Variants in TUBB8B observed in about 807,000 individuals in gnomAD.
TUBB8B encodes the protein tubulin beta 8B, also known as HSA18p11 beta-tubulin 4Q pseudogene.
Under a neutral mutation model 31.9 loss-of-function variants are expected in TUBB8B, and 26 were observed. The ratio of observed to expected loss-of-function variants is 0.81; its 90% CI spans 0.60 to 1.13. The LOEUF (loss-of-function observed/expected upper bound fraction) is 1.13. Among genes scored for constraint, TUBB8B ranks in the 50% most tolerant of loss-of-function variants. The pLI is 0.00. For synonymous variants in TUBB8B, 173 were observed against 231.0 expected, an observed-to-expected ratio of 0.75 and a Z score of 2.28; for missense variants, 467 against 586.7, an observed-to-expected ratio of 0.80 and a Z score of 2.11.
upstream of TUBB8B, among the ~76,000 whole-genome samples, chr18:54,125 A>C (rs1349617774): frequency 6.6e-6 from 1 of 151,768 alleles, no homozygotes; most frequent in Non-Finnish European, 1.5e-5. Flanking sequence ...GCCCCTATTG[A>C]CTAAATGGAC....
In TUBB8B at chr18:48,081, A is replaced by G. The variant is rs1177430464; in HGVS notation, c.644T>C (p.Leu215Pro). The change falls in exon 4 of 4, where the codon CTA becomes CCA. Residue 215 changes from leucine to proline, a missense_variant. Transcript: ENST00000308911. ...EALYDICSRT[L>P]KLPTPTYGDL... is the part of the protein sequence containing the mutation. ...ACCATAGGTGGGTGTGGGCAGTTTT[A>G]GGGTCCTGGAACATATGTCATATAG... is the stretch of plus-strand genomic sequence containing the variant. 6.2e-7 allele frequency: 1 copy of G among 1,613,942 alleles called. No individual in the cohort carries two copies. The highest frequency in any genetic ancestry group is 8.5e-7 in the Non-Finnish European group (1 of 1,179,946).
At chr18:59,594 AGT>A in the TUBB8B span, among the ~76,000 whole-genome samples, 38 of 139,232 alleles carry the variant, frequency 2.7e-4, no homozygotes, top group Non-Finnish European at 3.6e-4. Context: ...CCCAGGCTGG[AGT>A]GCAATGGCAT....
the TUBB8B span, among the ~76,000 whole-genome samples, chr18:62,604 G>A: frequency 3.3e-5 from 5 of 151,454 alleles, no homozygotes; most frequent in East Asian, 9.7e-4. Flanking sequence ...TGTATTTTTA[G>A]TAGAAATGGT....
chr18:72,135 G>A, the TUBB8B span, among the ~76,000 whole-genome samples: 6 of 133,148 alleles, frequency 4.5e-5, no homozygotes, highest in East Asian at 2.5e-4. Flanking sequence ...CTGAGATCAC[G>A]CCACTGCACT....
the TUBB8B span, among the ~76,000 whole-genome samples, chr18:65,127 C>G: frequency 1.3e-5 from 2 of 151,880 alleles, no homozygotes; most frequent in Non-Finnish European, 2.9e-5. Flanking sequence ...ATGGTGAAAC[C>G]CTGTCTCTAC....
At chr18:50,074 T>C, upstream of TUBB8B, 1 of 364,256 alleles carries the variant, frequency 2.7e-6, no homozygotes, top group South Asian at 2.1e-5. Flanking sequence ...CAGTAAGCTA[T>C]GGGTGTTGGA....
the TUBB8B span, among the ~76,000 whole-genome samples, chr18:73,085 C>T: frequency 1.3e-5 from 2 of 152,158 alleles, no homozygotes; most frequent in African/African-American, 2.4e-5. Context: ...TCTCCGCGTT[C>T]CTCCCCCTCT....
chr18:58,402 A>G, the TUBB8B span, among the ~76,000 whole-genome samples: 24 of 151,768 alleles, frequency 1.6e-4, no homozygotes, highest in Middle Eastern at 0.014. Context: ...GTGCTTAGAT[A>G]TTTTTTCAAC....
chr18:63,409 C>T, the TUBB8B span, among the ~76,000 whole-genome samples: 1 of 151,864 alleles, frequency 6.6e-6, no homozygotes, highest in East Asian at 1.9e-4. Flanking sequence ...AGTAGAGATT[C>T]TAGTTCTCTT....
the TUBB8B span, among the ~76,000 whole-genome samples, chr18:63,835 C>G: frequency 6.8e-6 from 1 of 146,940 alleles, no homozygotes; most frequent in Non-Finnish European, 1.5e-5. Context: ...CTAACCCCAA[C>G]CCTTAACTCT....
rs758296026 is a variant in TUBB8B, at chr18:48,930, C to G, written c.277+10G>C. 3.2e-6 allele frequency: 5 copies of G among 1,548,828 alleles called. No individual in the cohort carries two copies. The highest frequency in any genetic ancestry group is 4.5e-6 in the Non-Finnish European group (5 of 1,121,588). Reference sequence around the variant, plus strand: ...AAGGAGCCGCACCCCAGTCCTCGCCCGCAGCTCACCGGAAATGAAGTTGTC... The same window carrying G: ...AAGGAGCCGCACCCCAGTCCTCGCCGGCAGCTCACCGGAAATGAAGTTGTC... On this transcript the variant is annotated intron_variant, in intron 3 of 3. Transcript: ENST00000308911.
the TUBB8B span, among the ~76,000 whole-genome samples, chr18:59,994 T>C: frequency 6.6e-6 from 1 of 151,930 alleles, no homozygotes; most frequent in African/African-American, 2.4e-5. Context: ...AATTTTTGCA[T>C]CAATATTCTC....
chr18:58,215 G>A, the TUBB8B span, among the ~76,000 whole-genome samples: 4 of 150,882 alleles, frequency 2.7e-5, no homozygotes, highest in African/African-American at 4.9e-5. Context: ...CAGGCTGCTC[G>A]AGTTCCTCTC....
At chr18:68,129 TC>T in the TUBB8B span, among the ~76,000 whole-genome samples, 1 of 152,182 alleles carries the variant, frequency 6.6e-6, no homozygotes, top group African/African-American at 2.4e-5. Flanking sequence ...AAGTTTGATG[TC>T]GTCTCTGCTT....
chr18:72,177 C>CAAAAAAAA, the TUBB8B span, among the ~76,000 whole-genome samples: 95 of 78,664 alleles, frequency 1.2e-3, no homozygotes, highest in African/African-American at 1.9e-3. Context: ...GACTCCATCT[C>CAAAAAAAA]AAAAAAAAAA....
the TUBB8B span, among the ~76,000 whole-genome samples, chr18:56,477 T>C: frequency 6.6e-6 from 1 of 151,868 alleles, no homozygotes; most frequent in Non-Finnish European, 1.5e-5. Flanking sequence ...TTCCATTTTT[T>C]TGTCTTCTCT....
chr18:47,525 G>A lies in TUBB8B; in HGVS notation c.1200C>T (p.Gly400=), dbSNP rs771133240. Residue 400 remains glycine, a synonymous_variant, in exon 4 of 4, where the codon GGC becomes GGT. Transcript: ENST00000308911. ...RRKAFLHWYT[G]EGMDEMEFTE... ...TGAATTCCATCTCATCCATGCCCTC[G>A]CCCGTGTACCAGTGGAGGAAGGCCT... 6.4e-5 allele frequency: 103 copies of A among 1,603,302 alleles called. 1 individual carries two copies. In the South Asian group the frequency reaches 8.3e-4, roughly 13 times the overall value.
chr18:61,676 G>A, the TUBB8B span, among the ~76,000 whole-genome samples: 2 of 150,836 alleles, frequency 1.3e-5, no homozygotes, highest in African/African-American at 4.9e-5. Flanking sequence ...ATTTTAGACT[G>A]TGGACAATTT....
chr18:58,878 G>C, the TUBB8B span, among the ~76,000 whole-genome samples: 1 of 151,786 alleles, frequency 6.6e-6, no homozygotes, highest in Admixed American at 6.6e-5. Flanking sequence ...CACAGCACTG[G>C]TATGCACTTC....
Sources: allele counts gnomAD v4.1 joint callset (sites outside exome capture counted in the v4.1 genomes callset), GRCh38; gene constraint gnomAD v4.1.1; transcripts MANE v1.5; gene names NCBI Gene and HGNC (gene_info 2026-07-23, HGNC 2026-07-21).